Variants in PTPN3 observed in about 807,000 individuals in gnomAD.
The protein encoded by PTPN3 is tyrosine-protein phosphatase non-receptor type 3.
A neutral mutation model predicts 132.7 loss-of-function variants in PTPN3; 96 were observed. That is an observed-to-expected ratio of 0.72 (90% CI 0.61 to 0.86). The LOEUF (loss-of-function observed/expected upper bound fraction) is 0.86, where lower values mean the gene tolerates loss of function less well. PTPN3 is among the 40% of genes least tolerant of loss of function. PTPN3 has a pLI of 0.00. For missense variants in PTPN3, 1,125 were observed against 1,159.6 expected, an observed-to-expected ratio of 0.97 and a Z score of 0.43; for synonymous variants, 398 against 429.0, an observed-to-expected ratio of 0.93 and a Z score of 0.89.
chr9:109,496,339 T>C (rs1847667274), intron 1 of PTPN3, among the ~76,000 whole-genome samples: 1 of 152,214 alleles, frequency 6.6e-6, no homozygotes, highest in South Asian at 2.1e-4. Context: ...CAACTTCCAA[T>C]ATACTTCACA....
chr9:109,390,702 CAT>C (rs1445015049), intron 21 of PTPN3, among the ~76,000 whole-genome samples: 1 of 152,132 alleles, frequency 6.6e-6, no homozygotes, highest in African/African-American at 2.4e-5. Context: ...TTTCCCATAA[CAT>C]GTGAAACATT....
At chr9:109,439,899 A>G (rs1844328907) in intron 7 of PTPN3, among the ~76,000 whole-genome samples, 1 of 150,854 alleles carries the variant, frequency 6.6e-6, no homozygotes, top group Non-Finnish European at 1.5e-5. Flanking sequence ...ACACAGCCAG[A>G]CTCTGTCTCA....
chr9:109,521,990 A>AGAGGCTTAGG, the PTPN3 span, among the ~76,000 whole-genome samples: 1 of 152,138 alleles, frequency 6.6e-6, no homozygotes, highest in East Asian at 1.9e-4. Context: ...CGAGGCTTAG[A>AGAGGCTTAGG]GAGGCTAGAG....
intron 2 of PTPN3, among the ~76,000 whole-genome samples, chr9:109,461,755 T>C (rs1025943951): frequency 1.0e-5 from 1 of 99,784 alleles, no homozygotes; most frequent in Non-Finnish European, 2.1e-5. Flanking sequence ...AGACCTTGTT[T>C]CAGGAAAAAA....
the PTPN3 span, among the ~76,000 whole-genome samples, chr9:109,512,909 G>C: frequency 6.6e-6 from 1 of 152,112 alleles, no homozygotes; most frequent in Admixed American, 6.5e-5. Flanking sequence ...CCCTCCTCCT[G>C]CCCCTAAGTG....
intron 19 of PTPN3, among the ~76,000 whole-genome samples, chr9:109,403,247 C>A (rs1841297966): frequency 6.6e-6 from 1 of 152,166 alleles, no homozygotes; most frequent in Non-Finnish European, 1.5e-5. Context: ...AAGCTCTCTG[C>A]TTTGCATTCC....
At chr9:109,493,934 A>G (rs1223957021) in intron 1 of PTPN3, among the ~76,000 whole-genome samples, 3 of 152,228 alleles carry the variant, frequency 2.0e-5, no homozygotes, top group Admixed American at 2.0e-4. Context: ...TTAAGTTACT[A>G]TTTGGAGAGC....
At chr9:109,455,676 C>A (rs374801787) in intron 4 of PTPN3, among the ~76,000 whole-genome samples, 2 of 152,204 alleles carry the variant, frequency 1.3e-5, no homozygotes, top group African/African-American at 4.8e-5. Context: ...TCCCCTCCCC[C>A]TCTTCTAAAA....
Position 109,498,185 on chromosome 9 carries a change from GC to G in PTPN3, c.-18+33del. On this transcript the variant is annotated intron_variant, in intron 1 of 25. Coordinates refer to ENST00000374541, the MANE Select transcript of PTPN3 (RefSeq NM_002829.4). The surrounding 1 kb of genome is among the most constrained non-coding windows in gnomAD (Gnocchi z 4.2). Reference sequence around the variant, plus strand: ...CCGGCCCCCGGCAGCCCCGCACCCTGCCCCCGGCCCGCTGGGGTCGCACGGG... The same window carrying G: ...CCGGCCCCCGGCAGCCCCGCACCCTGCCCCGGCCCGCTGGGGTCGCACGGG... 6.8e-6 allele frequency: 1 copy of G among 146,496 alleles called. No individual in the cohort carries two copies. Among genetic ancestry groups the G allele is most frequent in the African/African-American group, 2.4e-5 (1 of 40,950 alleles). 9.1% of individuals were successfully genotyped at this position (146,496 alleles called of 1,614,324 possible).
At chr9:109,393,373 GTTTT>G (rs754599159) in intron 19 of PTPN3, among the ~76,000 whole-genome samples, 1 of 139,924 alleles carries the variant, frequency 7.1e-6, no homozygotes, top group African/African-American at 2.6e-5. Flanking sequence ...ATTTTTAATG[GTTTT>G]TTTTGTCTTT....
chr9:109,412,212 AT>A (rs879863552), intron 14 of PTPN3, among the ~76,000 whole-genome samples: 23 of 147,206 alleles, frequency 1.6e-4, no homozygotes, highest in African/African-American at 5.3e-4. Context: ...CCCCCAATCC[AT>A]TTTTTTTTCT....
chr9:109,481,631 A>C (rs1456270518), intron 1 of PTPN3, among the ~76,000 whole-genome samples: 1 of 152,148 alleles, frequency 6.6e-6, no homozygotes, highest in Non-Finnish European at 1.5e-5. Context: ...ACCCTACTTT[A>C]GATTTCTCCT....
At chr9:109,519,430 C>T in the PTPN3 span, among the ~76,000 whole-genome samples, 3 of 152,256 alleles carry the variant, frequency 2.0e-5, no homozygotes, top group African/African-American at 4.8e-5. Flanking sequence ...TGACTTAGTA[C>T]GTTTTCAACT....
At chr9:109,426,568 C>A (rs545916986) in intron 12 of PTPN3, among the ~76,000 whole-genome samples, 382 of 152,268 alleles carry the variant, frequency 2.5e-3, no homozygotes, top group Non-Finnish European at 4.3e-3. Flanking sequence ...TTTTATAGAG[C>A]ATCTTATGGA....
intron 14 of PTPN3, among the ~76,000 whole-genome samples, chr9:109,413,113 A>ATT (rs796731863): frequency 1.1e-3 from 154 of 142,500 alleles, no homozygotes; most frequent in African/African-American, 3.5e-3. Context: ...TGCCTGGCTA[A>ATT]TTTTTTTTTT....
chr9:109,406,900 A>G (rs1461791191), intron 17 of PTPN3, among the ~76,000 whole-genome samples: 1 of 152,194 alleles, frequency 6.6e-6, no homozygotes, highest in Non-Finnish European at 1.5e-5. Context: ...GTCAACCTTC[A>G]CTTATTATAA....
rs1306255817 is a variant in PTPN3 at position 109,478,569 on chromosome 9, C to T, written c.-17-15118G>A. Among the ~76,000 whole-genome samples the T allele has an allele frequency of 2.0e-5, 3 of 152,156 alleles. No homozygotes were observed. In the East Asian group the frequency reaches 5.8e-4, roughly 29 times the overall value. The stretch of plus-strand genomic sequence containing the variant: ...GGTCCCGAAGAGCCCTGAGTTAGGG[C>T]AAAAACACCAAAGAAAGGAGGAACG... On this transcript the variant is annotated intron_variant, in intron 1 of 25. Coordinates refer to ENST00000374541, the MANE Select transcript of PTPN3 (RefSeq NM_002829.4).
chr9:109,536,317 A>G, the PTPN3 span, among the ~76,000 whole-genome samples: 13 of 147,110 alleles, frequency 8.8e-5, no homozygotes, highest in African/African-American at 2.7e-4. Context: ...TGAATGGTGT[A>G]TGCATATCCA....
At chr9:109,528,863 C>T in the PTPN3 span, among the ~76,000 whole-genome samples, 228 of 151,932 alleles carry the variant, frequency 1.5e-3, 7 homozygotes, top group Middle Eastern at 3.4e-3. Context: ...ATCTAATCAT[C>T]TTAATTCTAC....
Sources: allele counts gnomAD v4.1 joint callset (sites outside exome capture counted in the v4.1 genomes callset), GRCh38; gene constraint gnomAD v4.1.1; non-coding constraint Gnocchi (gnomAD v3.1); transcripts MANE v1.5; gene names NCBI Gene and HGNC (gene_info 2026-07-23, HGNC 2026-07-21).